Variants in ATP11A observed in about 807,000 individuals in gnomAD.
ATP11A encodes phospholipid-transporting ATPase IH.
In ATP11A, 81 loss-of-function variants were observed where a neutral mutation model predicts 154.4. The ratio of observed to expected loss-of-function variants is 0.52; its 90% CI spans 0.44 to 0.63. ATP11A has a LOEUF of 0.63. Among genes scored for constraint, ATP11A ranks in the 30% least tolerant of loss-of-function variants. ATP11A has a pLI of 0.00. For missense variants in ATP11A, 1,316 were observed against 1,474.3 expected, an observed-to-expected ratio of 0.89 and a Z score of 1.76; for synonymous variants, 623 against 585.9, an observed-to-expected ratio of 1.06 and a Z score of -0.91.
At chr13:112,766,015 C>T (rs949846540) in intron 1 of ATP11A, among the ~76,000 whole-genome samples, 1 of 152,196 alleles carries the variant, frequency 6.6e-6, no homozygotes. Context: ...TCTTGGGATA[C>T]GGTCGGGGGC....
intron 1 of ATP11A, among the ~76,000 whole-genome samples, chr13:112,768,180 G>A (rs1331900616): frequency 2.0e-5 from 3 of 152,250 alleles, no homozygotes; most frequent in Non-Finnish European, 4.4e-5. Context: ...ATTGCGTGGA[G>A]CCCGGCCACT....
chr13:112,833,101 C>T, intron 14 of ATP11A, 78 bp downstream of exon 14: 1 of 1,536,342 alleles, frequency 6.5e-7, no homozygotes, highest in Non-Finnish European at 8.8e-7. Context: ...GGGATTTGCA[C>T]CTAGAGGCGT....
At chr13:112,846,832 G>C (rs2079623384) in intron 17 of ATP11A, among the ~76,000 whole-genome samples, 1 of 152,220 alleles carries the variant, frequency 6.6e-6, no homozygotes, top group African/African-American at 2.4e-5. Context: ...CCTTCGTGAT[G>C]TCCAGCAGAC....
intron 2 of ATP11A, among the ~76,000 whole-genome samples, chr13:112,788,931 C>T (rs1030774289): frequency 6.6e-6 from 1 of 151,742 alleles, no homozygotes; most frequent in Admixed American, 6.6e-5. Flanking sequence ...ATATGTAGAT[C>T]CCTGTGGAGA....
In ATP11A at chr13:112,867,549, G is replaced by A. The variant is rs557589810; in HGVS notation, c.2992-4186G>A. On this transcript the variant is annotated intron_variant, in intron 25 of 29. Transcript: ENST00000375645. ...GCCTTCCTGGCAGGGTCTCTGCAGC[G>A]TCTCCGCCTTCTCGGATCCCTGGAC... Among the ~76,000 whole-genome samples the A allele has an allele frequency of 1.2e-4, 18 of 152,310 alleles. No individual in the cohort carries two copies. The East Asian group carries it at 2.1e-3, about 18-fold the overall frequency.
In ATP11A at chr13:112,811,383, G is replaced by A. The variant is rs28613660; in HGVS notation, c.441+657G>A. On this transcript the variant is annotated intron_variant, in intron 5 of 29. Coordinates refer to ENST00000375645, the MANE Select transcript of ATP11A (RefSeq NM_015205.3). The stretch of plus-strand genomic sequence containing the variant: ...AGCCTCCCCATCACCAGCATCCCAC[G>A]CCAGGATTGGTGGAATTTCATCCCA... 2.6e-5 allele frequency among the ~76,000 whole-genome samples: 4 copies of A among 151,216 alleles called. No homozygotes were observed. In the East Asian group the frequency reaches 5.8e-4, roughly 22 times the overall value.
At chr13:112,703,250 C>T (rs1886781030) in intron 1 of ATP11A, 1 of 152,230 alleles carries the variant, frequency 6.6e-6, no homozygotes, top group Non-Finnish European at 1.5e-5. Flanking sequence ...CTGTGTCCTC[C>T]CAGAGGCGGG....
rs2080920241 is a variant in ATP11A, at chr13:112,883,064, CG to C, written c.*1199del. The stretch of plus-strand genomic sequence containing the variant: ...ACCTCGTCCCCACATCCCCTTGCCC[CG>C]TCACCTCGTCCTCATGTCCCCTTGT... On this transcript the variant is annotated 3_prime_UTR_variant, in exon 30 of 30. Coordinates refer to ENST00000375645, the MANE Select transcript of ATP11A (RefSeq NM_015205.3). 1.5e-5 allele frequency: 6 copies of C among 398,068 alleles called. No individual in the cohort carries two copies. In the Admixed American group the frequency reaches 2.7e-4, roughly 18 times the overall value. 24.7% of individuals were successfully genotyped at this position (398,068 alleles called of 1,614,324 possible). A position where few individuals can be genotyped will look rare whatever the true frequency, so the allele number is the denominator to read the frequency against.
intron 1 of ATP11A, among the ~76,000 whole-genome samples, chr13:112,739,963 G>T (rs1192931715): frequency 6.6e-6 from 1 of 152,166 alleles, no homozygotes; most frequent in African/African-American, 2.4e-5. Flanking sequence ...ATGGTTGGCA[G>T]GGGCTGGGGG....
At chr13:112,848,949 A>C (rs1162718006) in intron 17 of ATP11A, among the ~76,000 whole-genome samples, 2 of 152,104 alleles carry the variant, frequency 1.3e-5, no homozygotes, top group East Asian at 1.9e-4. Flanking sequence ...CAGCCTCCCA[A>C]AGTGCTGGGA....
intron 17 of ATP11A, among the ~76,000 whole-genome samples, chr13:112,846,561 A>G (rs895745504): frequency 1.3e-5 from 2 of 151,940 alleles, no homozygotes; most frequent in Non-Finnish European, 2.9e-5. Flanking sequence ...AACGGATGGG[A>G]CGTGTGTGAT....
At chr13:112,707,312 G>A (rs1377756242) in intron 1 of ATP11A, among the ~76,000 whole-genome samples, 1 of 151,942 alleles carries the variant, frequency 6.6e-6, no homozygotes, top group African/African-American at 2.4e-5. Flanking sequence ...CTACTCAGGA[G>A]GCTGAGGCAG....
intron 5 of ATP11A, among the ~76,000 whole-genome samples, chr13:112,812,823 A>G (rs2078538630): frequency 6.6e-6 from 1 of 152,254 alleles, no homozygotes; most frequent in Non-Finnish European, 1.5e-5. Flanking sequence ...TTCAGAGAGC[A>G]GATGGCCCTG....
intron 1 of ATP11A, among the ~76,000 whole-genome samples, chr13:112,742,935 C>A (rs1373228781): frequency 6.6e-6 from 1 of 152,196 alleles, no homozygotes; most frequent in South Asian, 2.1e-4. Context: ...GGGAGAGGCA[C>A]TCACTCAAGA....
chr13:112,836,383 A>G (rs1405696870), intron 16 of ATP11A, 132 bp downstream of exon 16: 2 of 540,476 alleles, frequency 3.7e-6, no homozygotes, highest in African/African-American at 1.9e-5. Context: ...AAAACTATAG[A>G]CAAATCCTCT....
rs2080048648 is a variant in ATP11A at position 112,859,835 on chromosome 13, AAC to A, written c.2727+384_2727+385del. On this transcript the variant is annotated intron_variant, in intron 23 of 29. Coordinates refer to ENST00000375645, the MANE Select transcript of ATP11A (RefSeq NM_015205.3). The surrounding 1 kb of genome is among the most constrained non-coding windows in gnomAD (Gnocchi z 4.3). ...CGGTGCCTGGCACGTTAACACATGC[AAC>A]GTGCCCATAGGGGAAGAAGACAGTT... Among the ~76,000 whole-genome samples, 1 of 152,184 alleles carries A rather than the reference AAC, an allele frequency of 6.6e-6. No homozygotes were observed. Among genetic ancestry groups the A allele is most frequent in the Admixed American group, 6.5e-5 (1 of 15,284 alleles).
At chr13:112,789,890 C>A (rs1364525823) in intron 2 of ATP11A, among the ~76,000 whole-genome samples, 1 of 151,478 alleles carries the variant, frequency 6.6e-6, no homozygotes. Flanking sequence ...ATGTGTAGAC[C>A]CCTGTGGAGA....
Position 112,858,197 on chromosome 13 carries a change from C to A in ATP11A, c.2574C>A (p.Ile858=). Residue 858 remains isoleucine, a synonymous_variant, in exon 22 of 30, where the codon ATC becomes ATA. Transcript: ENST00000375645. ...CTGCCAGGAACAGCGACTATGCAAT[C>A]CCAAAGTTTAAGCATTTGAAGAAGA... The part of the protein sequence containing the change: ...RQAARNSDYA[I]PKFKHLKKML... The A allele has an allele frequency of 6.2e-7, 1 of 1,614,084 alleles. No homozygotes were observed. Among genetic ancestry groups the A allele is most frequent in the Non-Finnish European group, 8.5e-7 (1 of 1,180,016 alleles).
At chr13:112,711,589 G>A (rs1887760771) in intron 1 of ATP11A, among the ~76,000 whole-genome samples, 2 of 152,168 alleles carry the variant, frequency 1.3e-5, no homozygotes, top group Non-Finnish European at 2.9e-5. Flanking sequence ...CAGGAGTCAG[G>A]TCAGGGCTCT....
Sources: gnomAD v4.1 joint callset for allele counts (sites outside exome capture counted in the v4.1 genomes callset) on GRCh38, gnomAD v4.1.1 for gene constraint, Gnocchi (gnomAD v3.1) non-coding constraint, MANE v1.5 for transcripts, NCBI Gene and HGNC (gene_info 2026-07-23, HGNC 2026-07-21) for gene names.